TMEM59: variants seen among roughly 807,000 people sequenced by gnomAD.
TMEM59 encodes transmembrane protein 59, also known as dendritic cell factor 1.
A neutral mutation model predicts 42.2 loss-of-function variants in TMEM59; 44 were observed. That is an observed-to-expected ratio of 1.04 (90% CI 0.82 to 1.34). The LOEUF is 1.34. TMEM59 is among the 40% of genes most tolerant of loss of function. TMEM59 has a pLI of 0.00. For missense variants in TMEM59, 359 were observed against 382.8 expected, an observed-to-expected ratio of 0.94 and a Z score of 0.52; for synonymous variants, 148 against 145.8, an observed-to-expected ratio of 1.02 and a Z score of -0.11.
chr1:54,043,257 T>G, intron 4 of TMEM59, 116 bp downstream of exon 4: 1 of 948,094 alleles, frequency 1.1e-6, no homozygotes, highest in East Asian at 3.3e-5. Flanking sequence ...GTAATTATTA[T>G]TTGATGATAA....
At chr1:54,047,654 A>G (rs1449876622) in intron 1 of TMEM59, 1 of 349,996 alleles carries the variant, frequency 2.9e-6, no homozygotes, top group East Asian at 7.9e-5. Flanking sequence ...GGGGGGAAAA[A>G]TTAAAAATAA....
At chr1:54,037,048 A>AT (rs1656976760) in intron 6 of TMEM59, among the ~76,000 whole-genome samples, 1 of 152,212 alleles carries the variant, frequency 6.6e-6, no homozygotes, top group African/African-American at 2.4e-5. Flanking sequence ...TGTTGTACAA[A>AT]TGTCATATAT....
At position 54,030,273 on chromosome 1, in the gene TMEM59, G is replaced by C. The variant is rs1391576633; in HGVS notation, c.*1877C>G. ...GGTCTTTTCTAACAGTGGGCTCTTT[G>C]ATTCCTGTGAGACAGCAGCATTTTG... is the stretch of plus-strand genomic sequence containing the variant. On this transcript the variant is annotated 3_prime_UTR_variant, in exon 8 of 8. Transcript: ENST00000234831. 1 of 152,022 alleles carries C rather than the reference G, an allele frequency of 6.6e-6. No individual in the cohort carries two copies. The highest frequency in any genetic ancestry group is 2.4e-5 in the African/African-American group (1 of 41,378). The allele number at this position is 152,022 out of a possible 1,614,324, so 9.4% of individuals were successfully genotyped here. A position where few individuals can be genotyped will look rare whatever the true frequency, so the allele number is the denominator to read the frequency against.
At position 54,032,114 on chromosome 1, in the gene TMEM59, G is replaced by T. The variant is rs11539455; in HGVS notation, c.*36C>A. ...AAGCTCTATGAGGAGTGGAATTTTA[G>T]ATGTCTATTACACTTGTCTTTTAAA... On this transcript the variant is annotated 3_prime_UTR_variant, in exon 8 of 8. Transcript: ENST00000234831. The T allele has an allele frequency of 1.9e-6, 3 of 1,558,608 alleles. No individual in the cohort carries two copies. The highest frequency in any genetic ancestry group is 8.7e-7 in the Non-Finnish European group (1 of 1,150,804).
chr1:54,041,948 C>T, intron 4 of TMEM59, 143 bp from the exon 5 acceptor site: 1 of 553,216 alleles, frequency 1.8e-6, no homozygotes. Context: ...ACACATTAAC[C>T]ACAATATATT....
rs1656697684 is a variant in TMEM59 at position 54,029,415 on chromosome 1, T to C, written c.*2735A>G. ...AAAGACCTTAGAAGTCTGGGAGGTT[T>C]GAACCAGAGACCCAACGGTCTTGAG... is the stretch of plus-strand genomic sequence containing the variant. On this transcript the variant is annotated 3_prime_UTR_variant, in exon 8 of 8. Coordinates refer to ENST00000234831, the MANE Select transcript of TMEM59 (RefSeq NM_004872.5). The C allele has an allele frequency of 6.6e-6, 1 of 152,196 alleles. No individual in the cohort carries two copies. The highest frequency in any genetic ancestry group is 1.5e-5 in the Non-Finnish European group (1 of 68,034). 9.4% of individuals were successfully genotyped at this position (152,196 alleles called of 1,614,324 possible).
chr1:54,053,252 T>G, upstream of TMEM59: 2 of 1,576,752 alleles, frequency 1.3e-6, no homozygotes, highest in Non-Finnish European at 8.6e-7. Context: ...TTCCTCCTCC[T>G]CCTGGGGCCA....
At position 54,053,018 on chromosome 1, in the gene TMEM59, G is replaced by A; in HGVS notation, c.171C>T (p.Pro57=). 6.2e-7 allele frequency: 1 copy of A among 1,614,054 alleles called. No individual in the cohort carries two copies. Among genetic ancestry groups the A allele is most frequent in the South Asian group, 1.1e-5 (1 of 91,058 alleles). The part of the protein sequence containing the change: ...SCHRACQLTY[P]LHTYPKEEEL... Reference sequence around the variant, plus strand: ...GCCCTACCTTAGGGTAGGTGTGCAAGGGGTAGGTCAACTGACAGGCCCGGT... The same window carrying A: ...GCCCTACCTTAGGGTAGGTGTGCAAAGGGTAGGTCAACTGACAGGCCCGGT... The change falls in exon 1 of 8, where the codon CCC becomes CCT. Residue 57 remains proline, a synonymous_variant. Coordinates refer to ENST00000234831, the MANE Select transcript of TMEM59 (RefSeq NM_004872.5).
rs1366376869 is a variant in TMEM59, at chr1:54,041,849, G to T, written c.544-44C>A. The stretch of plus-strand genomic sequence containing the variant: ...CAATTAAGTCATTTGTACTTCTTTA[G>T]CTTTTTTCAGTAACAAGTTCTAAAA... On this transcript the variant is annotated intron_variant, in intron 4 of 7. Coordinates refer to ENST00000234831, the MANE Select transcript of TMEM59 (RefSeq NM_004872.5). 4.8e-6 allele frequency: 7 copies of T among 1,473,474 alleles called. No homozygotes were observed. The African/African-American group carries it at 8.4e-5, about 18-fold the overall frequency. The allele number at this position is 1,473,474 out of a possible 1,614,324, so 91.3% of individuals were successfully genotyped here. A position where few individuals can be genotyped will look rare whatever the true frequency, so the allele number is the denominator to read the frequency against.
chr1:54,047,411 G>A, intron 1 of TMEM59, 39 bp from the exon 2 acceptor site: 2 of 1,534,902 alleles, frequency 1.3e-6, no homozygotes, highest in Non-Finnish European at 8.9e-7. Context: ...CCAAAAAATA[G>A]TATTTTTTTT....
Position 54,036,508 on chromosome 1 carries a change from T to C in TMEM59, c.816+102A>G, listed in dbSNP as rs1056240730. 2.6e-5 allele frequency: 21 copies of C among 808,490 alleles called. No homozygotes were observed. The South Asian group carries it at 4.5e-4, about 17-fold the overall frequency. The allele number at this position is 808,490 out of a possible 1,614,324, so 50.1% of individuals were successfully genotyped here. On this transcript the variant is annotated intron_variant, in intron 7 of 7. Coordinates refer to ENST00000234831, the MANE Select transcript of TMEM59 (RefSeq NM_004872.5). ...CATTAAAACCACCACATCTTCTCTC[T>C]TTCTATTAGTAGAAAGGCCTTGTTT... is the stretch of plus-strand genomic sequence containing the variant.
chr1:54,040,552 A>C (rs1369720976), intron 6 of TMEM59, among the ~76,000 whole-genome samples: 1 of 152,232 alleles, frequency 6.6e-6, no homozygotes, highest in Non-Finnish European at 1.5e-5. Flanking sequence ...TGTACTGTGA[A>C]AAAAACTACC....
Position 54,037,453 on chromosome 1 carries a change from T to C in TMEM59, c.708-735A>G, listed in dbSNP as rs375673569. 1.1e-4 allele frequency among the ~76,000 whole-genome samples: 16 copies of C among 152,380 alleles called. No individual in the cohort carries two copies. The East Asian group carries it at 2.3e-3, about 22-fold the overall frequency. On this transcript the variant is annotated intron_variant, in intron 6 of 7. Transcript: ENST00000234831. ...ATTGCCCAGGCTGGCCTTGAACTCA[T>C]GGGCGCAAGCCATTCTCCCACCTGG...
upstream of TMEM59, chr1:54,053,209 C>A: frequency 1.9e-6 from 3 of 1,612,136 alleles, no homozygotes; most frequent in South Asian, 1.1e-5. Flanking sequence ...TCTGTCACAG[C>A]AGCTCAGCTT....
At chr1:54,049,356 G>C (rs1657450756) in intron 1 of TMEM59, among the ~76,000 whole-genome samples, 1 of 152,120 alleles carries the variant, frequency 6.6e-6, no homozygotes, top group Non-Finnish European at 1.5e-5. Context: ...ATCTACAATA[G>C]CATTACTACT....
Position 54,047,305 on chromosome 1 carries a change from C to A in TMEM59, c.257G>T (p.Gly86Val). The change falls in exon 2 of 8, where the codon GGA becomes GTA. Residue 86 changes from glycine to valine, a missense_variant. Gly to Val is a moderately radical substitution (Grantham distance 109). Coordinates refer to ENST00000234831, the MANE Select transcript of TMEM59 (RefSeq NM_004872.5). ...LFSICQFVDD[G>V]IDLNRTKLEC... ...CAATTTAGTTCGATTTAAGTCAATT[C>A]CATCATCCACAAACTGACAAATTGA... 7 of 1,613,966 alleles carry A rather than the reference C, an allele frequency of 4.3e-6. No homozygotes were observed. Among genetic ancestry groups the A allele is most frequent in the Non-Finnish European group, 5.9e-6 (7 of 1,179,938 alleles).
rs183010611 is a variant in TMEM59 at position 54,043,477 on chromosome 1, C to G, written c.439G>C (p.Val147Leu). ...ATCATGTCACTCCAGAATGACCTCA[C>G]CAGAGTTAGAGGAAAGAGTAGGTGC... ...KMHLLFPLTL[V>L]RSFWSDMMDS... The change falls in exon 4 of 8, where the codon GTG (valine) becomes CTG (leucine). Residue 147 changes from valine to leucine, a missense_variant. Transcript: ENST00000234831. 3 of 1,560,604 alleles carry G rather than the reference C, an allele frequency of 1.9e-6. No homozygotes were observed. Among genetic ancestry groups the G allele is most frequent in the Non-Finnish European group, 8.7e-7 (1 of 1,151,918 alleles).
chr1:54,032,280 T>C lies in TMEM59; in HGVS notation c.842A>G (p.Glu281Gly). ...SEKLSIYGDL[E>G]FMNEQKLNRY... ...GTTTAGCTTTTGTTCATTCATAAACTCCAAGTCACCATAGATACTCAGCTT... is the reference window on the plus strand; with the variant it reads ...GTTTAGCTTTTGTTCATTCATAAACCCCAAGTCACCATAGATACTCAGCTT... Residue 281 changes from glutamate (E) to glycine (G), a missense_variant, in exon 8 of 8, where the codon GAG (glutamate) becomes GGG (glycine). Glu to Gly is a moderately conservative substitution (Grantham distance 98). Coordinates refer to ENST00000234831, the MANE Select transcript of TMEM59 (RefSeq NM_004872.5). The C allele has an allele frequency of 6.2e-7, 1 of 1,608,642 alleles. No individual in the cohort carries two copies. The highest frequency in any genetic ancestry group is 1.3e-5 in the African/African-American group (1 of 74,950).
At chr1:54,040,900 T>C in intron 5 of TMEM59, 63 bp from the exon 6 acceptor site, 6 of 1,248,434 alleles carry the variant, frequency 4.8e-6, no homozygotes, top group Non-Finnish European at 7.0e-6. Flanking sequence ...CTCACATGAC[T>C]ACTTCTAGAT....
Sources: allele counts gnomAD v4.1 joint callset (sites outside exome capture counted in the v4.1 genomes callset), GRCh38; gene constraint gnomAD v4.1.1; transcripts MANE v1.5; gene names NCBI Gene and HGNC (gene_info 2026-07-23, HGNC 2026-07-21).